GRID2: variants seen among roughly 807,000 people sequenced by gnomAD.
GRID2 encodes glutamate ionotropic receptor delta type subunit 2, also known as glutamate receptor ionotropic, delta-2.
Under a neutral mutation model 114.8 loss-of-function variants are expected in GRID2, and 33 were observed. The observed-to-expected ratio is 0.29, with a 90% CI of 0.22 to 0.38. The LOEUF is 0.38. GRID2 is among the 10% of genes least tolerant of loss of function. The pLI is 1.00. For missense variants in GRID2, 1,184 were observed against 1,257.7 expected, an observed-to-expected ratio of 0.94 and a Z score of 0.89; for synonymous variants, 505 against 449.9, an observed-to-expected ratio of 1.12 and a Z score of -1.55.
intron 1 of GRID2, among the ~76,000 whole-genome samples, chr4:92,352,803 C>A (rs1728135978): frequency 1.3e-5 from 2 of 150,764 alleles, no homozygotes; most frequent in Middle Eastern, 3.5e-3. Flanking sequence ...TTTGTCTGTT[C>A]TGGATGGTAA....
intron 1 of GRID2, among the ~76,000 whole-genome samples, chr4:92,384,646 T>A (rs1278498175): frequency 1.6e-5 from 1 of 63,574 alleles, no homozygotes; most frequent in Non-Finnish European, 3.0e-5. Flanking sequence ...ATATTATATA[T>A]AATATATAGA....
intron 12 of GRID2, among the ~76,000 whole-genome samples, chr4:93,501,667 C>A (rs763315692): frequency 3.9e-5 from 6 of 152,030 alleles, no homozygotes; most frequent in Non-Finnish European, 8.8e-5. Flanking sequence ...TTTCAGTGAG[C>A]ATTTAATTAA....
At chr4:93,006,084 C>T (rs1721491766) in intron 2 of GRID2, among the ~76,000 whole-genome samples, 1 of 152,082 alleles carries the variant, frequency 6.6e-6, no homozygotes, top group Admixed American at 6.6e-5. Flanking sequence ...TCACCTCTCA[C>T]AAACACCTTC....
chr4:93,229,078 G>A (rs901379218), intron 7 of GRID2, among the ~76,000 whole-genome samples: 26 of 151,936 alleles, frequency 1.7e-4, no homozygotes, highest in Admixed American at 4.6e-4. Context: ...AAGAAACTCA[G>A]TTTGAATAAT....
At chr4:93,623,057 G>A (rs1269768357) in intron 13 of GRID2, among the ~76,000 whole-genome samples, 1 of 151,828 alleles carries the variant, frequency 6.6e-6, no homozygotes, top group South Asian at 2.1e-4. Flanking sequence ...CACGTTTTTT[G>A]AATATTTCAT....
intron 1 of GRID2, among the ~76,000 whole-genome samples, chr4:92,347,087 G>A (rs1440142287): frequency 6.6e-6 from 1 of 152,154 alleles, no homozygotes; most frequent in African/African-American, 2.4e-5. Flanking sequence ...ATTCCAGAAG[G>A]CTGGCAGATT....
At chr4:92,526,967 A>G (rs1725074191) in intron 1 of GRID2, among the ~76,000 whole-genome samples, 1 of 151,962 alleles carries the variant, frequency 6.6e-6, no homozygotes, top group African/African-American at 2.4e-5. Context: ...TAGATATAAA[A>G]TGTTTTTATC....
At chr4:93,146,429 TATC>T (rs951108108) in intron 4 of GRID2, among the ~76,000 whole-genome samples, 5 of 152,116 alleles carry the variant, frequency 3.3e-5, no homozygotes, top group Admixed American at 6.6e-5. Flanking sequence ...CTTTGAAAAA[TATC>T]ATGCATGGTA....
chr4:93,780,686 G>A (rs1435227051), intron 1 of GRID2, among the ~76,000 whole-genome samples: 1 of 152,188 alleles, frequency 6.6e-6, no homozygotes, highest in African/African-American at 2.4e-5. Flanking sequence ...GCTGGTCCTT[G>A]AACCATCAGA....
At position 93,275,431 on chromosome 4, in the gene GRID2, C is replaced by CATATATATATATATATATAT. The variant is rs3078736; in HGVS notation, c.1245+36960_1245+36961insTATATATATATATATATATA. Among the ~76,000 whole-genome samples, 28 of 147,956 alleles carry CATATATATATATATATATAT rather than the reference C, an allele frequency of 1.9e-4. 2 individuals are homozygous for CATATATATATATATATATAT. The highest frequency in any genetic ancestry group is 7.0e-4 in the African/African-American group (28 of 40,214). On this transcript the variant is annotated intron_variant, in intron 8 of 15. Transcript: ENST00000282020. ...TTTTTTCATTTCTGTTGGATATATACATATATATATATATATATACCTAGG... is the reference window on the plus strand; with the variant it reads ...TTTTTTCATTTCTGTTGGATATATACATATATATATATATATATATATATATATATATATATATACCTAGG...
intron 8 of GRID2, among the ~76,000 whole-genome samples, chr4:93,296,095 T>A (rs1211118297): frequency 6.6e-6 from 1 of 152,168 alleles, no homozygotes; most frequent in Non-Finnish European, 1.5e-5. Flanking sequence ...TTCACTAGGT[T>A]GAGATAATGG....
intron 1 of GRID2, among the ~76,000 whole-genome samples, chr4:92,440,486 C>T (rs1344072653): frequency 3.9e-5 from 6 of 151,956 alleles, no homozygotes; most frequent in Non-Finnish European, 8.8e-5. Flanking sequence ...GCTAATTTGC[C>T]AGTCCTGGGT....
chr4:92,415,740 GTATATATA>G (rs70940888), intron 1 of GRID2, among the ~76,000 whole-genome samples: 6,677 of 82,180 alleles, frequency 0.081, 316 homozygotes, highest in African/African-American at 0.089. Flanking sequence ...GTGTATGTGT[GTATATATA>G]TATATATATA....
intron 1 of GRID2, among the ~76,000 whole-genome samples, chr4:92,397,491 A>G (rs1004581825): frequency 1.3e-5 from 2 of 152,064 alleles, no homozygotes; most frequent in Non-Finnish European, 2.9e-5. Flanking sequence ...TGCCTAATAC[A>G]TTGTTTACTA....
At chr4:92,698,769 T>G (rs1055778616) in intron 2 of GRID2, among the ~76,000 whole-genome samples, 2 of 152,072 alleles carry the variant, frequency 1.3e-5, no homozygotes, top group African/African-American at 4.8e-5. Flanking sequence ...ATGTAGAAAT[T>G]GCTAAAATAT....
At chr4:93,014,004 C>T (rs560045504) in intron 2 of GRID2, among the ~76,000 whole-genome samples, 10 of 151,746 alleles carry the variant, frequency 6.6e-5, no homozygotes, top group Admixed American at 2.6e-4. Context: ...AGAGATGTAC[C>T]TATAAAACAA....
At chr4:92,354,246 C>T (rs1252758341) in intron 1 of GRID2, among the ~76,000 whole-genome samples, 2 of 151,924 alleles carry the variant, frequency 1.3e-5, no homozygotes, top group Admixed American at 6.6e-5. Context: ...ATAGAGCTTC[C>T]CTACTGTTTT....
At chr4:93,237,717 G>A (rs1746964802) in intron 7 of GRID2, among the ~76,000 whole-genome samples, 1 of 151,792 alleles carries the variant, frequency 6.6e-6, no homozygotes, top group Non-Finnish European at 1.5e-5. Flanking sequence ...GCCATCTGTT[G>A]GATAAATGAA....
At chr4:93,430,951 A>C (rs895670533) in intron 10 of GRID2, among the ~76,000 whole-genome samples, 1 of 152,222 alleles carries the variant, frequency 6.6e-6, no homozygotes, top group Non-Finnish European at 1.5e-5. Context: ...GCAGGCCAAA[A>C]TTTATGAGAA....
Sources: gnomAD v4.1 joint callset for allele counts (sites outside exome capture counted in the v4.1 genomes callset) on GRCh38, gnomAD v4.1.1 for gene constraint, MANE v1.5 for transcripts, NCBI Gene and HGNC (gene_info 2026-07-23, HGNC 2026-07-21) for gene names.